The following SCTR variants were observed in gnomAD, a reference collection of about 807,000 sequenced individuals.
SCTR encodes pancreatic secretin receptor.
In SCTR, 56 loss-of-function variants were observed where a neutral mutation model predicts 60.8. The ratio of observed to expected loss-of-function variants is 0.92; its 90% CI spans 0.74 to 1.15. SCTR has a LOEUF of 1.15. SCTR is among the 50% of genes most tolerant of loss of function. The pLI, the probability that SCTR is intolerant of heterozygous loss-of-function variation, is 0.00. For missense variants in SCTR, 562 were observed against 550.4 expected (o/e 1.02, Z -0.21); for synonymous variants, 202 against 217.0 (o/e 0.93, Z 0.61).
rs143356244 is a variant in SCTR at position 119,521,931 on chromosome 2, A to C, written c.72+2224T>G. On this transcript the variant is annotated intron_variant, in intron 1 of 12. Coordinates refer to ENST00000019103, the MANE Select transcript of SCTR (RefSeq NM_002980.3). ...CTAAGGTCTACAGAAGCCGTAAAAT[A>C]ACCCAAGGACCACGACTTATACACA... 2.4e-3 allele frequency among the ~76,000 whole-genome samples: 366 copies of C among 152,364 alleles called. 2 individuals carry two copies. The highest frequency in any genetic ancestry group is 8.3e-3 in the African/African-American group (347 of 41,582).
chr2:119,442,340 A>T (rs982219417), intron 11 of SCTR, among the ~76,000 whole-genome samples: 9 of 152,198 alleles, frequency 5.9e-5, no homozygotes, highest in African/African-American at 2.2e-4. Flanking sequence ...AGCAGGAAGC[A>T]GTGTCTCTGC....
intron 9 of SCTR, among the ~76,000 whole-genome samples, chr2:119,450,708 A>G (rs1898774): frequency 0.89 from 135,660 of 152,158 alleles, 60,671 homozygotes; most frequent in African/African-American, 0.96. Context: ...AGTGGTTCAC[A>G]CCTGCAATTT....
intron 10 of SCTR, 53 bp from the exon 11 acceptor site, chr2:119,446,938 C>T (rs6720643): frequency 0.017 from 23,752 of 1,385,686 alleles, 259 homozygotes; most frequent in Middle Eastern, 0.022. Context: ...CGCCCTTTCT[C>T]CTCCTGTAGG....
At chr2:119,500,997 T>A (rs777838558) in intron 1 of SCTR, among the ~76,000 whole-genome samples, 4 of 152,118 alleles carry the variant, frequency 2.6e-5, no homozygotes, top group Admixed American at 1.3e-4. Context: ...ACCCCCAAAA[T>A]ATATATATCT....
intron 9 of SCTR, among the ~76,000 whole-genome samples, chr2:119,450,568 G>GA (rs1160316015): frequency 6.6e-6 from 1 of 151,616 alleles, no homozygotes; most frequent in Non-Finnish European, 1.5e-5. Context: ...TAAGGATTTT[G>GA]AAAAAGAAAA....
chr2:119,451,028 A>C (rs1289164495), intron 9 of SCTR, among the ~76,000 whole-genome samples: 2 of 146,304 alleles, frequency 1.4e-5, no homozygotes, highest in Non-Finnish European at 2.9e-5. Flanking sequence ...TAATTAAAAA[A>C]GAATAAAAGA....
Position 119,503,722 on chromosome 2 carries a change from G to A in SCTR, c.73-9174C>T, listed in dbSNP as rs747687486. Among the ~76,000 whole-genome samples, 29 of 152,126 alleles carry A rather than the reference G, an allele frequency of 1.9e-4. 1 individual carries two copies. Among genetic ancestry groups the A allele is most frequent in the South Asian group, 1.9e-3 (9 of 4,806 alleles). Reference sequence around the variant, plus strand: ...CGATTCTGCATGATACTGTAATAGCGGATACATGTCATTATACATTTGTCA... The same window carrying A: ...CGATTCTGCATGATACTGTAATAGCAGATACATGTCATTATACATTTGTCA... On this transcript the variant is annotated intron_variant, in intron 1 of 12. Transcript: ENST00000019103.
At chr2:119,448,020 T>C (rs1682999592) in intron 10 of SCTR, among the ~76,000 whole-genome samples, 1 of 152,144 alleles carries the variant, frequency 6.6e-6, no homozygotes, top group African/African-American at 2.4e-5. Context: ...ACAACAAGGA[T>C]GGAGTGGGGC....
At chr2:119,498,461 T>C (rs1352368370) in intron 1 of SCTR, among the ~76,000 whole-genome samples, 1 of 152,128 alleles carries the variant, frequency 6.6e-6, no homozygotes, top group East Asian at 1.9e-4. Flanking sequence ...TGTGGGTAAA[T>C]GCGATAGGTT....
At chr2:119,471,102 AT>A (rs1326875550) in intron 4 of SCTR, among the ~76,000 whole-genome samples, 4 of 152,154 alleles carry the variant, frequency 2.6e-5, no homozygotes, top group African/African-American at 9.7e-5. Context: ...GACCCTGGTG[AT>A]TCTGTGGTGC....
intron 7 of SCTR, among the ~76,000 whole-genome samples, chr2:119,460,489 G>A (rs1019834981): frequency 6.6e-5 from 10 of 151,972 alleles, no homozygotes; most frequent in African/African-American, 2.4e-4. Context: ...TTAATGGCAG[G>A]GTAAAAGTTA....
intron 1 of SCTR, among the ~76,000 whole-genome samples, chr2:119,512,325 TTCCCCTTCCCCTTCC>T (rs1184665067): frequency 1.7e-5 from 1 of 60,484 alleles, no homozygotes; most frequent in Non-Finnish European, 3.0e-5. Flanking sequence ...CCCCTTCCCC[TTCCCCTTCCCCTTCC>T]CCTTCTCCTT....
intron 3 of SCTR, among the ~76,000 whole-genome samples, chr2:119,474,400 G>A (rs1163018406): frequency 6.6e-6 from 1 of 152,228 alleles, no homozygotes; most frequent in African/African-American, 2.4e-5. Context: ...CACTAGCCAG[G>A]AGGGAAGTCT....
Position 119,440,198 on chromosome 2 carries a change from G to T in SCTR, c.1242C>A (p.His414Gln). The change falls in exon 13 of 13, where the codon CAC (histidine) becomes CAA (glutamine). Residue 414 changes from histidine (H) to glutamine (Q), a missense_variant. Physicochemically the swap from His to Gln is conservative, Grantham distance 24 (BLOSUM62 0). Coordinates refer to ENST00000019103, the MANE Select transcript of SCTR (RefSeq NM_002980.3). ...QQWHLREFPL[H>Q]PVASFSNSTK... is the part of the protein sequence containing the mutation. ...TGCTGTTGCTGAAGGAGGCCACGGG[G>T]TGCAGTGGGAACTCACGGAGGTGCC... 1 of 1,614,040 alleles carries T rather than the reference G, an allele frequency of 6.2e-7. No individual in the cohort carries two copies. Among genetic ancestry groups the T allele is most frequent in the Non-Finnish European group, 8.5e-7 (1 of 1,179,996 alleles).
chr2:119,466,063 T>TTAGGGATCATCTGATGATCCC (rs1283970094), intron 4 of SCTR, among the ~76,000 whole-genome samples, 177 bp from the exon 5 acceptor site: 4 of 152,216 alleles, frequency 2.6e-5, no homozygotes, highest in East Asian at 1.9e-4. Context: ...GGAAAAGCCC[T>TTAGGGATCATCTGATGATCCC]TAGGGATCAT....
intron 1 of SCTR, among the ~76,000 whole-genome samples, chr2:119,517,177 TGA>T (rs923658928): frequency 5.9e-5 from 9 of 152,122 alleles, no homozygotes; most frequent in Admixed American, 5.9e-4. Context: ...TTTTTTTTTT[TGA>T]GACGGAGTCT....
intron 1 of SCTR, among the ~76,000 whole-genome samples, chr2:119,516,608 T>G (rs2587655): frequency 0.054 from 8,222 of 152,116 alleles, 342 homozygotes; most frequent in African/African-American, 0.1. Context: ...GAAGTTGCAG[T>G]TACACCAGGA....
chr2:119,459,160 C>G (rs1201146289), intron 7 of SCTR, among the ~76,000 whole-genome samples: 2 of 152,136 alleles, frequency 1.3e-5, no homozygotes, highest in East Asian at 3.9e-4. Flanking sequence ...GTGAGACAAC[C>G]TAAATGTCCA....
intron 2 of SCTR, 80 bp from the exon 3 acceptor site, chr2:119,478,998 C>G: frequency 1.3e-6 from 2 of 1,574,944 alleles, no homozygotes; most frequent in Non-Finnish European, 8.6e-7. Flanking sequence ...TCACCGACAC[C>G]CTTGCCTGCC....
Sources: allele counts gnomAD v4.1 joint callset (sites outside exome capture counted in the v4.1 genomes callset), GRCh38; gene constraint gnomAD v4.1.1; transcripts MANE v1.5; gene names NCBI Gene and HGNC (gene_info 2026-07-23, HGNC 2026-07-21).